The following ABCA3 variants were observed in gnomAD, a reference collection of about 807,000 sequenced individuals.
ABCA3 encodes the protein phospholipid-transporting ATPase ABCA3.
ABCA3 carries 88 observed loss-of-function variants against 172.8 expected under a neutral mutation model. That is an observed-to-expected ratio of 0.51 (90% confidence interval 0.43 to 0.61). The LOEUF (loss-of-function observed/expected upper bound fraction) is 0.61, where lower values mean the gene tolerates loss of function less well. Among genes scored for constraint, ABCA3 ranks in the 20% least tolerant of loss-of-function variants. The probability of loss-of-function intolerance (pLI) is 0.00; values close to 1 mark genes in which losing one functional copy is unlikely to be tolerated. For synonymous variants in ABCA3, 1,066 were observed against 983.8 expected (o/e 1.08, Z -1.56); for missense variants, 2,164 against 2,301.0 (o/e 0.94, Z 1.22).
chr16:2,317,770 G>A lies in ABCA3; in HGVS notation c.874-6C>T. ...CCCATCATGCGCATGTACTCCTGGGGAGAGAAGCCATCACGCTGCTGGGGG... is the reference window on the plus strand; with the variant it reads ...CCCATCATGCGCATGTACTCCTGGGAAGAGAAGCCATCACGCTGCTGGGGG... On this transcript the variant is annotated splice_region_variant and splice_polypyrimidine_tract_variant and intron_variant, in intron 8 of 32. Coordinates refer to ENST00000301732, the MANE Select transcript of ABCA3 (RefSeq NM_001089.3). 3 of 1,613,760 alleles carry A rather than the reference G, an allele frequency of 1.9e-6. No homozygotes were observed. The highest frequency in any genetic ancestry group is 1.1e-5 in the South Asian group (1 of 91,064).
At chr16:2,333,368 G>T (rs1225870717) in intron 1 of ABCA3, among the ~76,000 whole-genome samples, 1 of 152,222 alleles carries the variant, frequency 6.6e-6, no homozygotes, top group Non-Finnish European at 1.5e-5. Flanking sequence ...GCCCCAAGAT[G>T]CACAAAGAGA....
chr16:2,310,407 AAAACAAAC>A (rs569725428), intron 10 of ABCA3, among the ~76,000 whole-genome samples: 1 of 146,398 alleles, frequency 6.8e-6, no homozygotes, highest in Non-Finnish European at 1.5e-5. Context: ...ACTCTGTCTC[AAAACAAAC>A]AAACAAACAA....
At chr16:2,334,418 T>G (rs139170710) in intron 1 of ABCA3, among the ~76,000 whole-genome samples, 1 of 152,264 alleles carries the variant, frequency 6.6e-6, no homozygotes, top group Non-Finnish European at 1.5e-5. Flanking sequence ...TAATCCTTTA[T>G]CTAGGACATT....
At chr16:2,331,064 C>T (rs886773527) in intron 1 of ABCA3, among the ~76,000 whole-genome samples, 4 of 152,164 alleles carry the variant, frequency 2.6e-5, no homozygotes, top group Admixed American at 1.3e-4. Flanking sequence ...CTTCTAACTA[C>T]TACACTACTA....
chr16:2,337,401 C>CA (rs1483910521), intron 1 of ABCA3, among the ~76,000 whole-genome samples: 1 of 149,200 alleles, frequency 6.7e-6, no homozygotes, highest in African/African-American at 2.5e-5. Context: ...TGCAGGGTCT[C>CA]ACTCTTTTGC....
chr16:2,287,077 C>T lies in ABCA3; in HGVS notation c.3005-110G>A. On this transcript the variant is annotated intron_variant, in intron 21 of 32. Coordinates refer to ENST00000301732, the MANE Select transcript of ABCA3 (RefSeq NM_001089.3). This position sits in a 1 kb window ranked among gnomAD's most constrained non-coding sequence, Gnocchi z 4.1. ...CCCAATAGAGTGGTGCCAGCATCCT[C>T]TGAGCTGCCCGCCCCATCACCCTTC... The T allele has an allele frequency of 8.0e-7, 1 of 1,251,646 alleles. No individual in the cohort carries two copies. Among genetic ancestry groups the T allele is most frequent in the Non-Finnish European group, 1.1e-6 (1 of 892,020 alleles). The allele number at this position is 1,251,646 out of a possible 1,614,324, so 77.5% of individuals were successfully genotyped here. A position where few individuals can be genotyped will look rare whatever the true frequency, so the allele number is the denominator to read the frequency against.
At chr16:2,295,944 G>A (rs1239444648) in intron 17 of ABCA3, among the ~76,000 whole-genome samples, 4 of 152,234 alleles carry the variant, frequency 2.6e-5, no homozygotes, top group African/African-American at 9.6e-5. Context: ...GCTGGGAAGA[G>A]CTGCTGGGGA....
At position 2,287,111 on chromosome 16, in the gene ABCA3, A is replaced by G; in HGVS notation, c.3005-144T>C. 1 of 933,508 alleles carries G rather than the reference A, an allele frequency of 1.1e-6. No homozygotes were observed. Among genetic ancestry groups the G allele is most frequent in the Non-Finnish European group, 1.6e-6 (1 of 629,748 alleles). 57.8% of individuals were successfully genotyped at this position (933,508 alleles called of 1,614,324 possible). A position where few individuals can be genotyped will look rare whatever the true frequency, so the allele number is the denominator to read the frequency against. On this transcript the variant is annotated intron_variant, in intron 21 of 32. Coordinates refer to ENST00000301732, the MANE Select transcript of ABCA3 (RefSeq NM_001089.3). The surrounding 1 kb of genome is among the most constrained non-coding windows in gnomAD (Gnocchi z 4.1). ...CCGCCCCATCACCCTTCTCCTAAGGAGAGTATAATTTCTGGCAAGGTTTTG... is the reference window on the plus strand; with the variant it reads ...CCGCCCCATCACCCTTCTCCTAAGGGGAGTATAATTTCTGGCAAGGTTTTG...
Position 2,284,946 on chromosome 16 carries a change from G to C in ABCA3, c.3536C>G (p.Ala1179Gly). ...GAGCAGGAGCAGCAGCAGGGTGTCAGCCATGTGGCCGTCCCGCGTGAAGGC... is the reference window on the plus strand; with the variant it reads ...GAGCAGGAGCAGCAGCAGGGTGTCACCCATGTGGCCGTCCCGCGTGAAGGC... ...VRAFTRDGHMADTLLLLLLYG... is the reference protein window; with the variant it reads ...VRAFTRDGHMGDTLLLLLLYG... Residue 1179 changes from alanine to glycine, a missense_variant, in exon 24 of 33, where the codon GCT becomes GGT. This residue lies in a region of ABCA3 where 795 missense variants were observed against 881.9 expected (regional missense o/e 0.90). Transcript: ENST00000301732. The surrounding 1 kb of genome is among the most constrained non-coding windows in gnomAD (Gnocchi z 5.9). The C allele has an allele frequency of 6.2e-7, 1 of 1,613,880 alleles. No individual in the cohort carries two copies. Among genetic ancestry groups the C allele is most frequent in the Non-Finnish European group, 8.5e-7 (1 of 1,180,000 alleles).
intron 1 of ABCA3, among the ~76,000 whole-genome samples, chr16:2,334,814 G>C (rs2093749130): frequency 6.6e-6 from 1 of 150,808 alleles, no homozygotes; most frequent in Non-Finnish European, 1.5e-5. Context: ...CACCGTGCCA[G>C]ACTTAAATAT....
Position 2,281,437 on chromosome 16 carries a change from C to A in ABCA3, c.4108G>T (p.Ala1370Ser). Residue 1370 changes from alanine (A) to serine (S), a missense_variant, in exon 27 of 33, where the codon GCC (alanine) becomes TCC (serine). By Grantham distance (99) the Ala-to-Ser change is moderately conservative (BLOSUM62 1). Coordinates refer to ENST00000301732, the MANE Select transcript of ABCA3 (RefSeq NM_001089.3). The surrounding 1 kb of genome is among the most constrained non-coding windows in gnomAD (Gnocchi z 4.7). ...DVADERTRIL[A>S]PSPDSLLHTP... is the part of the protein sequence containing the mutation. Reference sequence around the variant, plus strand: ...TGGAGCAGGGAGTCCGGACTGGGGGCCAGGATGCGGGTCCTCTCGTCCGCT... The same window carrying A: ...TGGAGCAGGGAGTCCGGACTGGGGGACAGGATGCGGGTCCTCTCGTCCGCT... 2 of 1,613,612 alleles carry A rather than the reference C, an allele frequency of 1.2e-6. No homozygotes were observed. The highest frequency in any genetic ancestry group is 1.7e-6 in the Non-Finnish European group (2 of 1,179,968).
At position 2,319,794 on chromosome 16, in the gene ABCA3, C is replaced by T; in HGVS notation, c.660G>A (p.Arg220=). The T allele has an allele frequency of 6.2e-7, 1 of 1,614,016 alleles. No homozygotes were observed. The highest frequency in any genetic ancestry group is 1.1e-5 in the South Asian group (1 of 91,084). The change falls in exon 8 of 33, where the codon CGG becomes CGA. Residue 220 remains arginine, a synonymous_variant. Transcript: ENST00000301732. The part of the protein sequence containing the change: ...GFLAVQHAVD[R]AIMEYHADAA... ...CATCGGCATGGTACTCCATGATGGC[C>T]CGGTCCACAGCATGCTGCACGGCCA... is the stretch of plus-strand genomic sequence containing the variant.
At chr16:2,280,517 T>C (rs2093653379) in intron 28 of ABCA3, among the ~76,000 whole-genome samples, 1 of 152,056 alleles carries the variant, frequency 6.6e-6, no homozygotes, top group Non-Finnish European at 1.5e-5. Flanking sequence ...AGGAGAGGAC[T>C]CCGCGGCCAC....
In ABCA3 at chr16:2,286,826, G is replaced by C. The variant is rs761394310; in HGVS notation, c.3146C>G (p.Ser1049Cys). Residue 1049 changes from serine (S) to cysteine (C), a missense_variant, in exon 22 of 33, where the codon TCT becomes TGT. This residue lies in a region of ABCA3 where 26 missense variants were observed against 49.5 expected (regional missense o/e 0.53). Coordinates refer to ENST00000301732, the MANE Select transcript of ABCA3 (RefSeq NM_001089.3). The surrounding 1 kb of genome is among the most constrained non-coding windows in gnomAD (Gnocchi z 5.2). ...CACGACGGCCAGGGCAGTGGCTGGAGAGTGGTACGCCTGGTTGTTGAACAA... is the reference window on the plus strand; with the variant it reads ...CACGACGGCCAGGGCAGTGGCTGGACAGTGGTACGCCTGGTTGTTGAACAA... ...NALFNNQAYH[S>C]PATALAVVDN... 2 of 1,614,162 alleles carry C rather than the reference G, an allele frequency of 1.2e-6. No homozygotes were observed. The highest frequency in any genetic ancestry group is 8.5e-7 in the Non-Finnish European group (1 of 1,180,032).
rs1386620903 is a variant in ABCA3, at chr16:2,281,224, GCAGGCACCCAA to G, written c.4165-14_4165-4del. The G allele has an allele frequency of 1.2e-6, 2 of 1,613,464 alleles. No individual in the cohort carries two copies. The highest frequency in any genetic ancestry group is 4.5e-5 in the East Asian group (2 of 44,888). ...AGGGGCACCCGCTGCTCGTACACCT[GCAGGCACCCAA>G]CAGAAAACACGGAATGCGGAGGCCT... is the stretch of plus-strand genomic sequence containing the variant. On this transcript the variant is annotated splice_polypyrimidine_tract_variant and splice_region_variant and intron_variant, in intron 27 of 32. Coordinates refer to ENST00000301732, the MANE Select transcript of ABCA3 (RefSeq NM_001089.3). This position sits in a 1 kb window ranked among gnomAD's most constrained non-coding sequence, Gnocchi z 4.7.
intron 5 of ABCA3, 107 bp from the exon 6 acceptor site, chr16:2,324,638 GC>G: frequency 6.5e-7 from 1 of 1,527,624 alleles, no homozygotes; most frequent in Non-Finnish European, 8.9e-7. Context: ...ATCCTCTAGG[GC>G]TTTGTAAACC....
At chr16:2,289,399 T>TAC in intron 20 of ABCA3, 35 bp downstream of exon 20, 28 of 1,544,284 alleles carry the variant, frequency 1.8e-5, no homozygotes, top group East Asian at 2.4e-5. Context: ...TGCTCGCCCT[T>TAC]CCCCCGCCAC....
intron 1 of ABCA3, among the ~76,000 whole-genome samples, chr16:2,337,346 C>A: frequency 6.6e-6 from 1 of 150,794 alleles, no homozygotes. Flanking sequence ...TTACACATAA[C>A]AGTACACATG....
At chr16:2,310,282 C>T (rs1432166996) in intron 10 of ABCA3, among the ~76,000 whole-genome samples, 1 of 151,774 alleles carries the variant, frequency 6.6e-6, no homozygotes, top group Non-Finnish European at 1.5e-5. Flanking sequence ...GTGGTGTGCG[C>T]CTGTAGTCGC....
Sources: gnomAD v4.1 joint callset for allele counts (sites outside exome capture counted in the v4.1 genomes callset) on GRCh38, gnomAD v4.1.1 for gene constraint, gnomAD v4.1.1 regional missense constraint, Gnocchi (gnomAD v3.1) non-coding constraint, MANE v1.5 for transcripts, NCBI Gene and HGNC (gene_info 2026-07-23, HGNC 2026-07-21) for gene names.